PSTPIP2: variants seen among roughly 807,000 people sequenced by gnomAD.
PSTPIP2 encodes proline-serine-threonine phosphatase-interacting protein 2.
Under a neutral mutation model 63.3 loss-of-function variants are expected in PSTPIP2, and 33 were observed. That is an observed-to-expected ratio of 0.52 (90% confidence interval 0.40 to 0.70). The LOEUF is 0.70. Ranked by LOEUF, PSTPIP2 falls within the 30% of genes least tolerant of loss-of-function variation. PSTPIP2 has a pLI of 0.00. For synonymous variants in PSTPIP2, 125 were observed against 132.7 expected (o/e 0.94, Z 0.40); for missense variants, 312 against 400.7 (o/e 0.78, Z 1.89).
At chr18:46,070,901 G>A (rs1462631698) in intron 1 of PSTPIP2, among the ~76,000 whole-genome samples, 1 of 151,976 alleles carries the variant, frequency 6.6e-6, no homozygotes, top group Non-Finnish European at 1.5e-5. Context: ...TTATTTCTGG[G>A]GCCCACATCT....
chr18:46,067,251 C>T (rs1909223843), intron 1 of PSTPIP2, among the ~76,000 whole-genome samples: 1 of 152,022 alleles, frequency 6.6e-6, no homozygotes, highest in Non-Finnish European at 1.5e-5. Flanking sequence ...TCCTGTAATC[C>T]CAGCACTTTG....
chr18:46,011,739 G>A (rs1269528583), intron 4 of PSTPIP2, among the ~76,000 whole-genome samples: 1 of 152,050 alleles, frequency 6.6e-6, no homozygotes, highest in African/African-American at 2.4e-5. Context: ...GTTATCTCTG[G>A]GTAGAAAGAT....
rs61755867 is a variant in PSTPIP2 at position 46,029,077 on chromosome 18, C to T, written c.135-4391G>A. The T allele has an allele frequency of 6.7e-3, 5,385 of 800,398 alleles. 187 individuals are homozygous for T. The African/African-American group carries it at 0.081, about 12-fold the overall frequency. The allele number at this position is 800,398 out of a possible 1,614,324, so 49.6% of individuals were successfully genotyped here. On this transcript the variant is annotated intron_variant, in intron 2 of 14. Coordinates refer to ENST00000409746, the MANE Select transcript of PSTPIP2 (RefSeq NM_024430.4). ...AGAACAAATCCTAAAATCCAGAGCACCTGTTTGGAAAGGTTTCCAAACTGT... is the reference window on the plus strand; with the variant it reads ...AGAACAAATCCTAAAATCCAGAGCATCTGTTTGGAAAGGTTTCCAAACTGT...
chr18:45,994,247 A>ATTTGTTC (rs1422002607), intron 9 of PSTPIP2, among the ~76,000 whole-genome samples: 1 of 152,220 alleles, frequency 6.6e-6, no homozygotes, highest in East Asian at 1.9e-4. Flanking sequence ...TATCACCTTT[A>ATTTGTTC]AAAAAATCAA....
At chr18:46,039,593 T>C (rs1908113283) in intron 2 of PSTPIP2, among the ~76,000 whole-genome samples, 1 of 152,172 alleles carries the variant, frequency 6.6e-6, no homozygotes, top group Admixed American at 6.5e-5. Flanking sequence ...CCCTCTCTCC[T>C]TCCTTTTTCC....
intron 2 of PSTPIP2, among the ~76,000 whole-genome samples, chr18:46,027,416 G>A (rs1257365630): frequency 2.0e-5 from 3 of 152,016 alleles, no homozygotes; most frequent in Non-Finnish European, 4.4e-5. Context: ...TTGGACTGGT[G>A]TTGTGGCTCA....
At chr18:46,027,357 AT>A (rs879926511) in intron 2 of PSTPIP2, among the ~76,000 whole-genome samples, 74 of 149,762 alleles carry the variant, frequency 4.9e-4, no homozygotes, top group African/African-American at 1.3e-3. Flanking sequence ...TATTAAAAAA[AT>A]TTTTTTTAAA....
At chr18:46,055,425 A>G (rs996323071) in intron 1 of PSTPIP2, among the ~76,000 whole-genome samples, 1 of 152,234 alleles carries the variant, frequency 6.6e-6, no homozygotes, top group East Asian at 1.9e-4. Context: ...GGCTCAAGTG[A>G]TCCTCCCACC....
chr18:46,001,147 G>A (rs2051661588), intron 6 of PSTPIP2, among the ~76,000 whole-genome samples: 1 of 152,144 alleles, frequency 6.6e-6, no homozygotes, highest in Non-Finnish European at 1.5e-5. Flanking sequence ...AAGTCTATTT[G>A]TAGTTTTTTG....
chr18:46,070,025 G>A (rs933858032), intron 1 of PSTPIP2, among the ~76,000 whole-genome samples: 3 of 152,094 alleles, frequency 2.0e-5, no homozygotes, highest in South Asian at 4.1e-4. Flanking sequence ...TCCTCCCAAC[G>A]GTCCTAAGGA....
chr18:46,024,787 T>C (rs919008092), intron 2 of PSTPIP2, 101 bp from the exon 3 acceptor site: 4 of 858,496 alleles, frequency 4.7e-6, no homozygotes, highest in Admixed American at 1.9e-5. Flanking sequence ...CCTGTGACCA[T>C]AGAAGCTCAG....
intron 1 of PSTPIP2, among the ~76,000 whole-genome samples, chr18:46,058,500 G>C (rs1599747501): frequency 6.6e-6 from 1 of 151,932 alleles, no homozygotes; most frequent in Admixed American, 6.6e-5. Flanking sequence ...GGGACTACAG[G>C]GGTGCGCCAC....
rs73953944 is a variant in PSTPIP2, at chr18:45,988,646, T to C, written c.*8+56A>G. On this transcript the variant is annotated intron_variant, in intron 14 of 14. Transcript: ENST00000409746. The stretch of plus-strand genomic sequence containing the variant: ...TATAAATAAGGTTCAAAGGCTTCAA[T>C]AGCACAATTACCAGTCTACACATGA... 4,851 of 1,436,366 alleles carry C rather than the reference T, an allele frequency of 3.4e-3. 141 individuals are homozygous for C. The African/African-American group carries it at 0.06, about 18-fold the overall frequency. 89.0% of individuals were successfully genotyped at this position (1,436,366 alleles called of 1,614,324 possible).
At chr18:46,021,824 G>A (rs1907365541) in intron 3 of PSTPIP2, among the ~76,000 whole-genome samples, 1 of 129,734 alleles carries the variant, frequency 7.7e-6, no homozygotes, top group African/African-American at 3.1e-5. Flanking sequence ...ACTCCAGCCT[G>A]GGCAACAAAG....
chr18:46,046,800 G>T (rs1908399350), intron 1 of PSTPIP2, among the ~76,000 whole-genome samples: 1 of 152,224 alleles, frequency 6.6e-6, no homozygotes, highest in African/African-American at 2.4e-5. Flanking sequence ...AGTAAAACAT[G>T]CAAGTTGGCA....
chr18:46,033,575 G>A (rs1299370218), intron 2 of PSTPIP2, among the ~76,000 whole-genome samples: 1 of 152,032 alleles, frequency 6.6e-6, no homozygotes, highest in East Asian at 1.9e-4. Flanking sequence ...GTGCACGTCT[G>A]TAGTCCCAGG....
intron 2 of PSTPIP2, chr18:46,029,713 T>C: frequency 1.5e-6 from 1 of 669,256 alleles, no homozygotes; most frequent in South Asian, 1.7e-5. Flanking sequence ...TTCATCTTCC[T>C]TCCTGTACAG....
intron 1 of PSTPIP2, among the ~76,000 whole-genome samples, chr18:46,051,590 A>G (rs546293149): frequency 2.6e-5 from 4 of 152,346 alleles, no homozygotes; most frequent in East Asian, 3.9e-4. Context: ...CATAGAAGGC[A>G]TAAGAGTCAG....
chr18:46,046,927 C>A (rs1908403779), intron 1 of PSTPIP2, among the ~76,000 whole-genome samples: 1 of 152,228 alleles, frequency 6.6e-6, no homozygotes, highest in Non-Finnish European at 1.5e-5. Flanking sequence ...AAGTGCGCTG[C>A]ACTTTGCATT....
Sources: allele counts gnomAD v4.1 joint callset (sites outside exome capture counted in the v4.1 genomes callset), GRCh38; gene constraint gnomAD v4.1.1; transcripts MANE v1.5; gene names NCBI Gene and HGNC (gene_info 2026-07-23, HGNC 2026-07-21).